The following PDK4 variants were observed in gnomAD, a reference collection of about 807,000 sequenced individuals.
PDK4 encodes pyruvate dehydrogenase kinase, isozyme 4.
PDK4 carries 43 observed loss-of-function variants against 51.7 expected under a neutral mutation model. That is an observed-to-expected ratio of 0.83 (90% CI 0.65 to 1.07). The LOEUF is 1.07. PDK4 is among the 50% of genes least tolerant of loss of function. PDK4 has a pLI of 0.00. For missense variants in PDK4, 498 were observed against 503.5 expected, an observed-to-expected ratio of 0.99 and a Z score of 0.10; for synonymous variants, 170 against 176.6, an observed-to-expected ratio of 0.96 and a Z score of 0.30.
chr7:95,587,660 C>T, intron 8 of PDK4, 67 bp downstream of exon 8: 1 of 1,250,466 alleles, frequency 8.0e-7, no homozygotes, highest in Non-Finnish European at 1.2e-6. Flanking sequence ...AAGCAGACAG[C>T]TTTATTACTA....
chr7:95,595,294 G>GT, intron 1 of PDK4, 130 bp from the exon 2 acceptor site: 1 of 564,042 alleles, frequency 1.8e-6, no homozygotes, highest in South Asian at 3.1e-5. Flanking sequence ...TTGGGTTACT[G>GT]TTAATCGATA....
intron 6 of PDK4, among the ~76,000 whole-genome samples, chr7:95,590,593 C>A (rs1464087519): frequency 6.6e-6 from 1 of 152,150 alleles, no homozygotes; most frequent in African/African-American, 2.4e-5. Context: ...TATGCAACAA[C>A]CCTGTTTATG....
At chr7:95,587,395 T>C (rs1198394093) in intron 9 of PDK4, 23 bp downstream of exon 9, 4 of 1,346,102 alleles carry the variant, frequency 3.0e-6, no homozygotes, top group Non-Finnish European at 4.3e-6. Context: ...CTGAGATTAA[T>C]TTAGCCATAT....
intron 6 of PDK4, among the ~76,000 whole-genome samples, 184 bp downstream of exon 6, chr7:95,591,804 T>G (rs1057385919): frequency 6.6e-6 from 1 of 152,170 alleles, no homozygotes; most frequent in Non-Finnish European, 1.5e-5. Context: ...AGCAACTGAA[T>G]AGGCAGAATT....
Position 95,584,956 on chromosome 7 carries a change from A to G in PDK4, c.*685T>C, listed in dbSNP as rs1383857437. 6.6e-6 allele frequency: 1 copy of G among 152,648 alleles called. No homozygotes were observed. The highest frequency in any genetic ancestry group is 1.5e-5 in the Non-Finnish European group (1 of 68,046). 9.5% of individuals were successfully genotyped at this position (152,648 alleles called of 1,614,324 possible). A position where few individuals can be genotyped will look rare whatever the true frequency, so the allele number is the denominator to read the frequency against. ...AGTGTGTAAAGTGAACAAGAAAAGC[A>G]GCATAATAAAGGAGCTGTGTTTTTA... On this transcript the variant is annotated 3_prime_UTR_variant, in exon 11 of 11. Transcript: ENST00000005178.
At position 95,587,138 on chromosome 7, in the gene PDK4, C is replaced by A. The variant is rs557813128; in HGVS notation, c.982-15G>T. The A allele has an allele frequency of 5.5e-6, 8 of 1,446,736 alleles. No individual in the cohort carries two copies. Among genetic ancestry groups the A allele is most frequent in the Non-Finnish European group, 7.8e-6 (8 of 1,029,744 alleles). The allele number at this position is 1,446,736 out of a possible 1,614,324, so 89.6% of individuals were successfully genotyped here. On this transcript the variant is annotated splice_polypyrimidine_tract_variant and intron_variant, in intron 9 of 10. Transcript: ENST00000005178. ...CCAAAACCAGCCTAGAGAAGAGAGA[C>A]GTTATCAGGTAAAGAAGTGTATGTG...
At chr7:95,587,380 G>A (rs761208280) in intron 9 of PDK4, 38 bp downstream of exon 9, 67 of 1,189,972 alleles carry the variant, frequency 5.6e-5, no homozygotes, top group Non-Finnish European at 7.8e-5. Context: ...TTTAGAACTA[G>A]GTGGCTGAGA....
At chr7:95,595,943 C>T (rs1220957659) in intron 1 of PDK4, among the ~76,000 whole-genome samples, 2 of 152,062 alleles carry the variant, frequency 1.3e-5, no homozygotes, top group Non-Finnish European at 2.9e-5. Flanking sequence ...AACCATCCAG[C>T]GTCGGCAGGC....
chr7:95,593,815 G>A (rs767625904), intron 2 of PDK4, 45 bp from the exon 3 acceptor site: 2 of 806,620 alleles, frequency 2.5e-6, no homozygotes, highest in Admixed American at 4.2e-5. Context: ...TTAATAGTCA[G>A]ATACAAATGG....
chr7:95,591,530 A>G (rs1791552728), intron 6 of PDK4, among the ~76,000 whole-genome samples: 1 of 152,108 alleles, frequency 6.6e-6, no homozygotes, highest in South Asian at 2.1e-4. Context: ...GAGTGTGACC[A>G]TTTTATACAT....
intron 5 of PDK4, 52 bp from the exon 6 acceptor site, chr7:95,592,117 A>G: frequency 1.0e-6 from 1 of 989,164 alleles, no homozygotes; most frequent in Non-Finnish European, 1.5e-6. Context: ...TGCCAAGTAC[A>G]GTTCTCAAAT....
chr7:95,595,213 G>A, intron 1 of PDK4, 49 bp from the exon 2 acceptor site: 1 of 1,298,612 alleles, frequency 7.7e-7, no homozygotes, highest in Non-Finnish European at 1.1e-6. Flanking sequence ...GTGTCTAAAT[G>A]ATATATCTAA....
In PDK4 at chr7:95,595,171, T is replaced by C. The variant is rs760509026; in HGVS notation, c.131-7A>G. On this transcript the variant is annotated splice_polypyrimidine_tract_variant and splice_region_variant and intron_variant, in intron 1 of 10. Coordinates refer to ENST00000005178, the MANE Select transcript of PDK4 (RefSeq NM_002612.4). ...TCACATGCATTTTCTGAACCTATAA[T>C]AAATGAAATCAATTTAGTTTTGAGA... The C allele has an allele frequency of 6.9e-6, 11 of 1,604,524 alleles. No individual in the cohort carries two copies. The highest frequency in any genetic ancestry group is 9.4e-6 in the Non-Finnish European group (11 of 1,172,070).
chr7:95,587,465 A>C lies in PDK4; in HGVS notation c.934T>G (p.Ser312Ala). 6.2e-7 allele frequency: 1 copy of C among 1,611,750 alleles called. No individual in the cohort carries two copies. The highest frequency in any genetic ancestry group is 1.1e-5 in the South Asian group (1 of 91,044). The change falls in exon 9 of 11, where the codon TCC becomes GCC. Residue 312 changes from serine to alanine, a missense_variant. By Grantham distance (99) the Ser-to-Ala change is moderately conservative. Coordinates refer to ENST00000005178, the MANE Select transcript of PDK4 (RefSeq NM_002612.4). Reference sequence around the variant, plus strand: ...TCCATCACAGGCGTTGGTGCAGTGGAGTATGTATAACTAAAGAGGCGGTCA... The same window carrying C: ...TCCATCACAGGCGTTGGTGCAGTGGCGTATGTATAACTAAAGAGGCGGTCA... ...IIDRLFSYTY[S>A]TAPTPVMDNS... is the part of the protein sequence containing the mutation.
rs923160129 is a variant in PDK4 at position 95,583,510 on chromosome 7, T to TA, written c.*2130dup. 1 of 152,156 alleles carries TA rather than the reference T, an allele frequency of 6.6e-6. No individual in the cohort carries two copies. Among genetic ancestry groups the TA allele is most frequent in the Admixed American group, 6.5e-5 (1 of 15,278 alleles). 9.4% of individuals were successfully genotyped at this position (152,156 alleles called of 1,614,324 possible). On this transcript the variant is annotated 3_prime_UTR_variant, in exon 11 of 11. Coordinates refer to ENST00000005178, the MANE Select transcript of PDK4 (RefSeq NM_002612.4). Reference sequence around the variant, plus strand: ...TAAAACACAATGTCTTTTATCATCATAAAAAATATTTATTATAAAAAATTA... The same window carrying TA: ...TAAAACACAATGTCTTTTATCATCATAAAAAAATATTTATTATAAAAAATTA...
At chr7:95,587,241 A>T (rs896814174) in intron 9 of PDK4, 118 bp from the exon 10 acceptor site, 1 of 715,188 alleles carries the variant, frequency 1.4e-6, no homozygotes, top group Non-Finnish European at 2.4e-6. Flanking sequence ...AATATCTTCT[A>T]CTTCCAATCA....
rs1791624669 is a variant in PDK4 at position 95,596,467 on chromosome 7, G to GA, written c.-175_-174insT. On this transcript the variant is annotated 5_prime_UTR_variant, in exon 1 of 11. Transcript: ENST00000005178. Reference sequence around the variant, plus strand: ...GTTTGAGGGTGCCGCGGAGTGAAGAGTCTGGGCAGAGTCGGAGATGCAGTG... The same window carrying GA: ...GTTTGAGGGTGCCGCGGAGTGAAGAGATCTGGGCAGAGTCGGAGATGCAGTG... The GA allele has an allele frequency of 1.7e-6, 1 of 596,332 alleles. No homozygotes were observed. Among genetic ancestry groups the GA allele is most frequent in the South Asian group, 2.5e-5 (1 of 40,406 alleles). The allele number at this position is 596,332 out of a possible 1,614,324, so 36.9% of individuals were successfully genotyped here. A position where few individuals can be genotyped will look rare whatever the true frequency, so the allele number is the denominator to read the frequency against.
In PDK4 at chr7:95,596,248, C is replaced by A. The variant is rs773129064; in HGVS notation, c.46G>T (p.Gly16Cys). ...ACCTCTCGGGGCACCAGGCCGGCGC[C>A]GTTGAGCGAGCCAGCGCTGCGCAGC... ...FVLRSAGSLN[G>C]AGLVPREVEH... The change falls in exon 1 of 11, where the codon GGC becomes TGC. Residue 16 changes from glycine to cysteine, a missense_variant. Physicochemically the swap from Gly to Cys is radical, Grantham distance 159. Coordinates refer to ENST00000005178, the MANE Select transcript of PDK4 (RefSeq NM_002612.4). 1 of 1,595,930 alleles carries A rather than the reference C, an allele frequency of 6.3e-7. No homozygotes were observed. The highest frequency in any genetic ancestry group is 1.7e-5 in the Admixed American group (1 of 57,808).
At chr7:95,595,353 G>A (rs189376761) in intron 1 of PDK4, among the ~76,000 whole-genome samples, 189 bp from the exon 2 acceptor site, 13 of 152,238 alleles carry the variant, frequency 8.5e-5, no homozygotes, top group Non-Finnish European at 1.5e-4. Flanking sequence ...TCGTCCTTTC[G>A]TCTTTCCTTC....
Sources: allele counts gnomAD v4.1 joint callset (sites outside exome capture counted in the v4.1 genomes callset), GRCh38; gene constraint gnomAD v4.1.1; transcripts MANE v1.5; gene names NCBI Gene and HGNC (gene_info 2026-07-23, HGNC 2026-07-21).